Variants in MTHFD1L observed in about 807,000 individuals in gnomAD.
MTHFD1L encodes monofunctional C1-tetrahydrofolate synthase, mitochondrial.
In MTHFD1L, 81 loss-of-function variants were observed where a neutral mutation model predicts 119.5. The ratio of observed to expected loss-of-function variants is 0.68; its 90% CI spans 0.57 to 0.82. The LOEUF is 0.82. MTHFD1L is among the 40% of genes least tolerant of loss of function. The probability of loss-of-function intolerance (pLI) is 0.00; values close to 1 mark genes in which losing one functional copy is unlikely to be tolerated. For synonymous variants in MTHFD1L, 430 were observed against 475.2 expected (o/e 0.90, Z 1.24); for missense variants, 1,125 against 1,253.4 (o/e 0.90, Z 1.55).
chr6:151,088,481 G>C (rs952023488), intron 26 of MTHFD1L: 3 of 152,096 alleles, frequency 2.0e-5, no homozygotes, highest in African/African-American at 7.2e-5. Flanking sequence ...TTTTGAGACA[G>C]ATTCTCTCTC....
intron 16 of MTHFD1L, 76 bp from the exon 17 acceptor site, chr6:150,955,919 A>G (rs1465732726): frequency 7.7e-7 from 1 of 1,299,720 alleles, no homozygotes; most frequent in Non-Finnish European, 1.1e-6. Context: ...CTTCCTGAGC[A>G]TCAGAACAAT....
At chr6:151,074,276 C>T (rs1792279746) in intron 26 of MTHFD1L, among the ~76,000 whole-genome samples, 1 of 152,162 alleles carries the variant, frequency 6.6e-6, no homozygotes, top group Non-Finnish European at 1.5e-5. Flanking sequence ...CAGTTGGAAA[C>T]CTGAATCTAC....
chr6:151,086,867 G>T (rs549417134), intron 26 of MTHFD1L, among the ~76,000 whole-genome samples: 1 of 152,118 alleles, frequency 6.6e-6, no homozygotes, highest in African/African-American at 2.4e-5. Flanking sequence ...GCCAGGCACC[G>T]TGTTAACAAT....
At chr6:150,955,926 C>A in intron 16 of MTHFD1L, 69 bp from the exon 17 acceptor site, 3 of 1,365,420 alleles carry the variant, frequency 2.2e-6, no homozygotes, top group African/African-American at 1.4e-5. Context: ...AGCATCAGAA[C>A]AATGCCAGAC....
intron 26 of MTHFD1L, among the ~76,000 whole-genome samples, chr6:151,089,923 G>A (rs1794224276): frequency 6.6e-6 from 1 of 152,194 alleles, no homozygotes. Flanking sequence ...CCACCTACAA[G>A]CAGGTCTTAT....
chr6:150,867,093 C>A (rs1946905172), intron 1 of MTHFD1L, among the ~76,000 whole-genome samples: 1 of 152,130 alleles, frequency 6.6e-6, no homozygotes, highest in South Asian at 2.1e-4. Flanking sequence ...ATTTTCCTCC[C>A]CACTCCCCTT....
intron 20 of MTHFD1L, among the ~76,000 whole-genome samples, chr6:150,980,100 A>T (rs1777229585): frequency 1.3e-5 from 2 of 152,102 alleles, no homozygotes; most frequent in Non-Finnish European, 2.9e-5. Context: ...TTTTGTTATT[A>T]TGATGCTTCC....
intron 24 of MTHFD1L, 76 bp downstream of exon 24, chr6:151,015,769 C>A: frequency 1.3e-6 from 2 of 1,507,818 alleles, no homozygotes; most frequent in Non-Finnish European, 1.8e-6. Context: ...GTCACCACAA[C>A]CCTACAGATA....
chr6:151,077,309 ATGC>A (rs1584410987), intron 26 of MTHFD1L, among the ~76,000 whole-genome samples: 3 of 152,312 alleles, frequency 2.0e-5, no homozygotes, highest in East Asian at 3.9e-4. Context: ...AAAACAAAAC[ATGC>A]AAATAATCTG....
At chr6:150,942,848 G>C (rs539830280) in intron 13 of MTHFD1L, among the ~76,000 whole-genome samples, 10 of 152,168 alleles carry the variant, frequency 6.6e-5, no homozygotes, top group African/African-American at 2.2e-4. Flanking sequence ...AGGAAATGCA[G>C]CTTTAAAAAG....
intron 7 of MTHFD1L, among the ~76,000 whole-genome samples, chr6:150,902,361 G>A (rs1054130942): frequency 5.3e-5 from 8 of 152,214 alleles, no homozygotes; most frequent in Non-Finnish European, 1.2e-4. Flanking sequence ...TGCCTGGGGA[G>A]TGGGGTGGTT....
chr6:151,038,813 G>A (rs114699043), intron 26 of MTHFD1L, among the ~76,000 whole-genome samples: 3,595 of 152,220 alleles, frequency 0.024, 153 homozygotes, highest in African/African-American at 0.083. Context: ...TGGGGGCCGG[G>A]GGAAGGGACC....
At chr6:151,051,135 C>G (rs1788958069) in intron 26 of MTHFD1L, among the ~76,000 whole-genome samples, 1 of 152,266 alleles carries the variant, frequency 6.6e-6, no homozygotes, top group South Asian at 2.1e-4. Flanking sequence ...ACCTTAAGCT[C>G]AGGTGTTATT....
intron 20 of MTHFD1L, among the ~76,000 whole-genome samples, chr6:151,007,592 G>A (rs1386677803): frequency 1.3e-5 from 2 of 152,132 alleles, no homozygotes; most frequent in Non-Finnish European, 2.9e-5. Flanking sequence ...CCGGGGTCCC[G>A]TCCGTGTGCT....
intron 15 of MTHFD1L, among the ~76,000 whole-genome samples, chr6:150,948,608 G>GCCA (rs1368886524): frequency 1.3e-5 from 2 of 151,294 alleles, no homozygotes; most frequent in South Asian, 2.1e-4. Context: ...ACGGGCATGA[G>GCCA]CCACCGCACC....
In MTHFD1L at chr6:150,964,982, C is replaced by CT; in HGVS notation, c.1961dup (p.Leu654PhefsTer31). 6.2e-7 allele frequency: 1 copy of CT among 1,613,912 alleles called. No individual in the cohort carries two copies. Among genetic ancestry groups the CT allele is most frequent in the South Asian group, 1.1e-5 (1 of 91,066 alleles). On this transcript the variant is annotated frameshift_variant, in exon 19 of 28. Coordinates refer to ENST00000367321, the MANE Select transcript of MTHFD1L (RefSeq NM_015440.5). LOFTEE classifies it high-confidence loss of function. The stretch of plus-strand genomic sequence containing the variant: ...TCTCTCCTGTAGGGGGTGACAGGTG[C>CT]TTTGACAGTTTTGATGAAAGATGCA...
intron 7 of MTHFD1L, among the ~76,000 whole-genome samples, chr6:150,888,385 T>A (rs1782673031): frequency 6.6e-6 from 1 of 152,180 alleles, no homozygotes; most frequent in African/African-American, 2.4e-5. Flanking sequence ...CAGCAGGAAG[T>A]AGGGTTTATT....
At chr6:151,025,779 A>G (rs1043248413) in intron 24 of MTHFD1L, among the ~76,000 whole-genome samples, 1 of 152,200 alleles carries the variant, frequency 6.6e-6, no homozygotes. Context: ...GCAGGGCTGA[A>G]GAAATGGCAG....
chr6:150,997,884 C>T (rs141886909), intron 20 of MTHFD1L, among the ~76,000 whole-genome samples: 4 of 152,150 alleles, frequency 2.6e-5, no homozygotes, highest in Admixed American at 1.3e-4. Flanking sequence ...AGGCCAGGCC[C>T]GAGTAATCAT....
Sources: allele counts gnomAD v4.1 joint callset (sites outside exome capture counted in the v4.1 genomes callset), GRCh38; gene constraint gnomAD v4.1.1; transcripts MANE v1.5; gene names NCBI Gene and HGNC (gene_info 2026-07-23, HGNC 2026-07-21).